The following ALDH16A1 variants were observed in gnomAD, a reference collection of about 807,000 sequenced individuals.
ALDH16A1 encodes the protein aldehyde dehydrogenase 16 family member A1, also known as aldehyde dehydrogenase family 16 member A1.
ALDH16A1 carries 88 observed loss-of-function variants against 96.1 expected under a neutral mutation model. The observed-to-expected ratio is 0.92, with a 90% CI of 0.77 to 1.09. The LOEUF (loss-of-function observed/expected upper bound fraction) is 1.09. Ranked by LOEUF, ALDH16A1 falls within the 50% of genes least tolerant of loss-of-function variation. The pLI, the probability that ALDH16A1 is intolerant of heterozygous loss-of-function variation, is 0.00. For synonymous variants in ALDH16A1, 522 were observed against 496.4 expected (o/e 1.05, Z -0.69); for missense variants, 1,250 against 1,112.6 (o/e 1.12, Z -1.76).
At chr19:49,456,432 G>T (rs1247098274) in intron 1 of ALDH16A1, among the ~76,000 whole-genome samples, 1 of 152,108 alleles carries the variant, frequency 6.6e-6, no homozygotes, top group Non-Finnish European at 1.5e-5. Context: ...TGTCGCCCAG[G>T]CTAGCATTCA....
chr19:49,464,308 C>G (rs755547269), intron 10 of ALDH16A1, 45 bp downstream of exon 10: 1 of 1,592,860 alleles, frequency 6.3e-7, no homozygotes, highest in Non-Finnish European at 8.5e-7. Context: ...CTCATTCTTC[C>G]ATCTTCATCT....
At chr19:49,465,655 G>A in intron 12 of ALDH16A1, 83 bp from the exon 13 acceptor site, 1 of 1,479,370 alleles carries the variant, frequency 6.8e-7, no homozygotes, top group Non-Finnish European at 9.1e-7. Flanking sequence ...CGGGAGCCAA[G>A]GCAGTCTTCC....
At chr19:49,462,180 T>A in intron 7 of ALDH16A1, 144 bp downstream of exon 7, 1 of 1,281,238 alleles carries the variant, frequency 7.8e-7, no homozygotes, top group Non-Finnish European at 1.0e-6. Flanking sequence ...TCGCCCAGGC[T>A]GGGGTGCAGC....
Position 49,470,724 on chromosome 19 carries a change from C to T in ALDH16A1, c.*257C>T, listed in dbSNP as rs1232206836. ...AGCGCAGTGGCACAATCTCGGCCCA[C>T]TGCAGCCTCGACCTCTGGGGCTCAA... On this transcript the variant is annotated 3_prime_UTR_variant, in exon 17 of 17. Transcript: ENST00000293350. 5.7e-6 allele frequency: 2 copies of T among 349,844 alleles called. No individual in the cohort carries two copies. The highest frequency in any genetic ancestry group is 4.3e-5 in the African/African-American group (2 of 46,540). 21.7% of individuals were successfully genotyped at this position (349,844 alleles called of 1,614,324 possible). A position where few individuals can be genotyped will look rare whatever the true frequency, so the allele number is the denominator to read the frequency against.
At position 49,458,451 on chromosome 19, in the gene ALDH16A1, C is replaced by T. The variant is rs370780328; in HGVS notation, c.91-35C>T. 20 of 1,534,762 alleles carry T rather than the reference C, an allele frequency of 1.3e-5. No homozygotes were observed. The African/African-American group carries it at 1.5e-4, about 12-fold the overall frequency. The stretch of plus-strand genomic sequence containing the variant: ...GGGGTTGAACTGCCCCAGCTCCTCC[C>T]GAACCCCTTTCCAAACTGTCTCTAC... On this transcript the variant is annotated intron_variant, in intron 1 of 16. Coordinates refer to ENST00000293350, the MANE Select transcript of ALDH16A1 (RefSeq NM_153329.4).
Position 49,461,606 on chromosome 19 carries a change from C to G in ALDH16A1, c.578-13C>G, listed in dbSNP as rs755108562. The G allele has an allele frequency of 7.1e-6, 11 of 1,556,494 alleles. No individual in the cohort carries two copies. In the South Asian group the frequency reaches 8.2e-5, roughly 12 times the overall value. On this transcript the variant is annotated splice_polypyrimidine_tract_variant and intron_variant, in intron 5 of 16. Transcript: ENST00000293350. Reference sequence around the variant, plus strand: ...CTGGACTCCTGGGCCTTTGAGCTGCCCCACTTCCCCAGGCTGCACCGTGGT... The same window carrying G: ...CTGGACTCCTGGGCCTTTGAGCTGCGCCACTTCCCCAGGCTGCACCGTGGT...
rs1227674728 is a variant in ALDH16A1, at chr19:49,461,966, T to C, written c.842T>C (p.Leu281Pro). Residue 281 changes from leucine to proline, a missense_variant, in exon 7 of 17, where the codon CTG (leucine) becomes CCG (proline). Physicochemically the swap from Leu to Pro is moderately conservative, Grantham distance 98. Transcript: ENST00000293350. Reference protein sequence around the residue: ...LALGTESLLLLTDTADVDSAV... With the variant: ...LALGTESLLLPTDTADVDSAV... ...CTGGGGACGGAGTCGCTGCTGCTGC[T>C]GACGGACACGGCGGACGTAGACTCG... 1.3e-6 allele frequency: 2 copies of C among 1,563,194 alleles called. No homozygotes were observed. Among genetic ancestry groups the C allele is most frequent in the African/African-American group, 2.7e-5 (2 of 73,712 alleles).
Position 49,465,943 on chromosome 19 carries a change from T to G in ALDH16A1, c.1736+38T>G, listed in dbSNP as rs1162880426. The G allele has an allele frequency of 3.8e-6, 6 of 1,598,512 alleles. No homozygotes were observed. In the South Asian group the frequency reaches 5.6e-5, roughly 15 times the overall value. On this transcript the variant is annotated intron_variant, in intron 13 of 16. Transcript: ENST00000293350. ...ACGGGAAAGCCCAAGGGTCATGGTG[T>G]GGCAGAGAGGGGAGCCTGCCCACAG...
chr19:49,460,833 C>T lies in ALDH16A1; in HGVS notation c.511C>T (p.Leu171Phe), dbSNP rs754480962. 6.2e-7 allele frequency: 1 copy of T among 1,613,526 alleles called. No homozygotes were observed. Among genetic ancestry groups the T allele is most frequent in the Non-Finnish European group, 8.5e-7 (1 of 1,179,880 alleles). Residue 171 changes from leucine (L) to phenylalanine (F), a missense_variant, in exon 5 of 17, where the codon CTC (leucine) becomes TTC (phenylalanine). Leu to Phe is a conservative substitution (Grantham distance 22, BLOSUM62 0). Transcript: ENST00000293350. ...AGWEPMGVIG[L>F]ILPPTFSFLE... The stretch of plus-strand genomic sequence containing the variant: ...TTTTTTTCTTGCAGGAGTAATTGGC[C>T]TCATCCTGCCACCCACATTCTCCTT...
At chr19:49,458,894 C>A in intron 2 of ALDH16A1, 66 bp from the exon 3 acceptor site, 1 of 1,567,324 alleles carries the variant, frequency 6.4e-7, no homozygotes. Flanking sequence ...CTCCGAAAAT[C>A]TCAGCCCCCT....
chr19:49,465,740 CAGCACCCCCCTATG>C lies in ALDH16A1; in HGVS notation c.1572_1585del (p.Pro526LeufsTer30). ...CCTCATGTCCCACCCTACTCCAGCCCAGCACCCCCCTATGGGCTCTTCGTTGGGGGCCGTTTCCA... is the reference window on the plus strand; with the variant it reads ...CCTCATGTCCCACCCTACTCCAGCCCGGCTCTTCGTTGGGGGCCGTTTCCA... On this transcript the variant is annotated frameshift_variant, in exon 13 of 17. Transcript: ENST00000293350. LOFTEE classifies it high-confidence loss of function. 6.2e-7 allele frequency: 1 copy of C among 1,612,494 alleles called. No homozygotes were observed. Among genetic ancestry groups the C allele is most frequent in the Non-Finnish European group, 8.5e-7 (1 of 1,178,976 alleles).
rs1261623382 is a variant in ALDH16A1, at chr19:49,468,770, C to T, written c.2125-94C>T. On this transcript the variant is annotated intron_variant, in intron 15 of 16. Coordinates refer to ENST00000293350, the MANE Select transcript of ALDH16A1 (RefSeq NM_153329.4). The surrounding 1 kb of genome is among the most constrained non-coding windows in gnomAD (Gnocchi z 4.4). Reference sequence around the variant, plus strand: ...CCTGGGGCTTTCTCCTCCATGACCCCCCATCCCCTTCCCTCCCATGGGCAC... The same window carrying T: ...CCTGGGGCTTTCTCCTCCATGACCCTCCATCCCCTTCCCTCCCATGGGCAC... 6.8e-7 allele frequency: 1 copy of T among 1,462,962 alleles called. No individual in the cohort carries two copies. The highest frequency in any genetic ancestry group is 2.3e-5 in the East Asian group (1 of 43,780). 90.6% of individuals were successfully genotyped at this position (1,462,962 alleles called of 1,614,324 possible).
Position 49,462,032 on chromosome 19 carries a change from G to T in ALDH16A1, c.908G>T (p.Gly303Val). 6.5e-7 allele frequency: 1 copy of T among 1,540,946 alleles called. No individual in the cohort carries two copies. Among genetic ancestry groups the T allele is most frequent in the East Asian group, 2.4e-5 (1 of 41,030 alleles). The part of the protein sequence containing the change: ...GVVDAAWSDR[G>V]PGGLRLLIQE... ...GTGGACGCCGCCTGGTCCGACCGCG[G>T]CCCGGTGAGACCCGTGCGCTCCCGT... The change falls in exon 7 of 17, where the codon GGC becomes GTC. Residue 303 changes from glycine to valine, a missense_variant. By Grantham distance (109) the Gly-to-Val change is moderately radical. Coordinates refer to ENST00000293350, the MANE Select transcript of ALDH16A1 (RefSeq NM_153329.4).
chr19:49,458,732 CTGAAACCAGTCACCCTAATTAT>C, intron 2 of ALDH16A1, 144 bp downstream of exon 2: 1 of 1,089,156 alleles, frequency 9.2e-7, no homozygotes. Flanking sequence ...CTGGTTCCTT[CTGAAACCAGTCACCCTAATTAT>C]GGTTCCGGGT....
rs777890147 is a variant in ALDH16A1, at chr19:49,470,431, G to A, written c.2373G>A (p.Ala791=). The change falls in exon 17 of 17, where the codon GCG becomes GCA. Residue 791 remains alanine, a synonymous_variant. Coordinates refer to ENST00000293350, the MANE Select transcript of ALDH16A1 (RefSeq NM_153329.4). ...GCCCAGAGCTGGGGCTGCGAGTGGCGCGGACCAAGGCCCTGTGGCTGCCTA... is the reference window on the plus strand; with the variant it reads ...GCCCAGAGCTGGGGCTGCGAGTGGCACGGACCAAGGCCCTGTGGCTGCCTA... The part of the protein sequence containing the change: ...GAGPELGLRV[A]RTKALWLPMG... The A allele has an allele frequency of 2.4e-5, 39 of 1,602,260 alleles. No individual in the cohort carries two copies. Among genetic ancestry groups the A allele is most frequent in the African/African-American group, 2.2e-4 (16 of 74,252 alleles).
rs771163731 is a variant in ALDH16A1 at position 49,466,128 on chromosome 19, C to G, written c.1783C>G (p.Leu595Val). 6.4e-7 allele frequency: 1 copy of G among 1,554,768 alleles called. No individual in the cohort carries two copies. The highest frequency in any genetic ancestry group is 8.7e-7 in the Non-Finnish European group (1 of 1,152,642). ...AGCCCGGGCAGCCCTGCTGTGGGCC[C>G]TGGCGGCTGCACTGGAGCGCCGGAA... The part of the protein sequence containing the change: ...PGARAALLWA[L>V]AAALERRKST... Residue 595 changes from leucine (L) to valine (V), a missense_variant, in exon 14 of 17, where the codon CTG becomes GTG. Transcript: ENST00000293350.
intron 16 of ALDH16A1, 66 bp downstream of exon 16, chr19:49,469,052 A>G: frequency 1.9e-6 from 3 of 1,554,240 alleles, no homozygotes; most frequent in Non-Finnish European, 2.6e-6. Context: ...CCTTTTCTGG[A>G]AACACAGCCC....
At position 49,468,010 on chromosome 19, in the gene ALDH16A1, AT is replaced by A. The variant is rs902789318; in HGVS notation, c.1939-369del. ...TCTACTAAATATACAAAAAAAAAAA[AT>A]TAGCCGGGCATGGTGGCAGGTGCCT... On this transcript the variant is annotated intron_variant, in intron 14 of 16. Coordinates refer to ENST00000293350, the MANE Select transcript of ALDH16A1 (RefSeq NM_153329.4). The surrounding 1 kb of genome is among the most constrained non-coding windows in gnomAD (Gnocchi z 4.4). Among the ~76,000 whole-genome samples, 1 of 151,596 alleles carries A rather than the reference AT, an allele frequency of 6.6e-6. No homozygotes were observed. The highest frequency in any genetic ancestry group is 1.5e-5 in the Non-Finnish European group (1 of 67,928).
In ALDH16A1 at chr19:49,464,663, C is replaced by G; in HGVS notation, c.1469C>G (p.Thr490Ser). The G allele has an allele frequency of 6.2e-7, 1 of 1,614,192 alleles. No homozygotes were observed. The highest frequency in any genetic ancestry group is 1.1e-5 in the South Asian group (1 of 91,090). Residue 490 changes from threonine (T) to serine (S), a missense_variant, in exon 12 of 17, where the codon ACC (threonine) becomes AGC (serine). By Grantham distance (58) the Thr-to-Ser change is moderately conservative. Transcript: ENST00000293350. ...GLYEYLRPSG[T>S]PARLSCLSKN... ...TATGAGTATCTGCGGCCCTCAGGGA[C>G]CCCTGCCCGGCTGTCCTGCCTCTCC... is the stretch of plus-strand genomic sequence containing the variant.
Sources: allele counts gnomAD v4.1 joint callset (sites outside exome capture counted in the v4.1 genomes callset), GRCh38; gene constraint gnomAD v4.1.1; non-coding constraint Gnocchi (gnomAD v3.1); transcripts MANE v1.5; gene names NCBI Gene and HGNC (gene_info 2026-07-23, HGNC 2026-07-21).